Variants in COBLL1 observed in about 807,000 individuals in gnomAD.
The protein encoded by COBLL1 is cordon-bleu WH2 repeat protein like 1.
A neutral mutation model predicts 94.8 loss-of-function variants in COBLL1; 50 were observed. That is an observed-to-expected ratio of 0.53 (90% confidence interval 0.42 to 0.67). The LOEUF (loss-of-function observed/expected upper bound fraction) is 0.67, where lower values mean the gene tolerates loss of function less well. Ranked by LOEUF, COBLL1 falls within the 30% of genes least tolerant of loss-of-function variation. COBLL1 has a pLI of 0.00. For synonymous variants in COBLL1, 448 were observed against 473.8 expected, an observed-to-expected ratio of 0.95 and a Z score of 0.71; for missense variants, 1,362 against 1,348.7, an observed-to-expected ratio of 1.01 and a Z score of -0.15.
At chr2:164,674,461 G>A (rs1691303192) in intron 1 of COBLL1, among the ~76,000 whole-genome samples, 1 of 152,142 alleles carries the variant, frequency 6.6e-6, no homozygotes, top group African/African-American at 2.4e-5. Flanking sequence ...CAAAATGCCT[G>A]GGTTCATGTT....
At chr2:164,842,020 T>A (rs1447910087), upstream of COBLL1, 3 of 1,538,588 alleles carry the variant, frequency 1.9e-6, no homozygotes, top group African/African-American at 4.1e-5. Flanking sequence ...CGGCCGCACA[T>A]AAGTGGGGAC....
At chr2:164,816,532 G>A (rs1271035160) in intron 2 of COBLL1, among the ~76,000 whole-genome samples, 1 of 152,090 alleles carries the variant, frequency 6.6e-6, no homozygotes, top group Non-Finnish European at 1.5e-5. Flanking sequence ...AAAGCTGAGG[G>A]CAAGAAGAGG....
chr2:164,752,871 AT>A (rs1402009301), intron 2 of COBLL1, among the ~76,000 whole-genome samples: 2 of 152,166 alleles, frequency 1.3e-5, no homozygotes, highest in Non-Finnish European at 2.9e-5. Flanking sequence ...CCATTTTCTC[AT>A]TTACAAAATA....
chr2:164,694,498 G>A lies in COBLL1; in HGVS notation c.2894C>T (p.Thr965Ile). 4 of 1,613,994 alleles carry A rather than the reference G, an allele frequency of 2.5e-6. No homozygotes were observed. Among genetic ancestry groups the A allele is most frequent in the Non-Finnish European group, 3.4e-6 (4 of 1,179,928 alleles). Residue 965 changes from threonine to isoleucine, a missense_variant, in exon 12 of 14, where the codon ACA (threonine) becomes ATA (isoleucine). Coordinates refer to ENST00000652658, the MANE Select transcript of COBLL1 (RefSeq NM_001365672.2). The stretch of plus-strand genomic sequence containing the variant: ...AGTTTTCAAAGTCTTCAGATTTTGT[G>A]TGGATACCTGACTAGCAGGAATTGT... ...PVTIPASQVS[T>I]QNLKTLKTFG...
chr2:164,679,043 G>T (rs1682920705), downstream of COBLL1, among the ~76,000 whole-genome samples: 1 of 152,134 alleles, frequency 6.6e-6, no homozygotes, highest in Non-Finnish European at 1.5e-5. Context: ...AGTTTTGGAA[G>T]TCCAGATCAC....
At chr2:164,732,830 C>T (rs901493138) in intron 3 of COBLL1, among the ~76,000 whole-genome samples, 2 of 152,074 alleles carry the variant, frequency 1.3e-5, no homozygotes, top group Non-Finnish European at 1.5e-5. Flanking sequence ...CCGAGGCAGG[C>T]GGATCATGAC....
At chr2:164,787,965 T>C (rs1682958929) in intron 2 of COBLL1, among the ~76,000 whole-genome samples, 1 of 152,198 alleles carries the variant, frequency 6.6e-6, no homozygotes, top group Non-Finnish European at 1.5e-5. Flanking sequence ...GCTCTTTATA[T>C]TGAATAAAAA....
Position 164,685,955 on chromosome 2 carries a change from G to T in COBLL1, c.3378C>A (p.Asp1126Glu), listed in dbSNP as rs150229061. The T allele has an allele frequency of 5.0e-6, 8 of 1,601,784 alleles. No homozygotes were observed. In the South Asian group the frequency reaches 8.8e-5, roughly 18 times the overall value. The change falls in exon 14 of 14, where the codon GAC becomes GAA. Residue 1126 changes from aspartate to glutamate, a missense_variant. Coordinates refer to ENST00000652658, the MANE Select transcript of COBLL1 (RefSeq NM_001365672.2). Reference sequence around the variant, plus strand: ...TGTGGCAGGGTAACATTTAATGGCCGTCCTGGGCATCAGGGGACATGGAAT... The same window carrying T: ...TGTGGCAGGGTAACATTTAATGGCCTTCCTGGGCATCAGGGGACATGGAAT... ...LSHSMSPDAQ[D>E]GH
chr2:164,841,562 G>GT lies in COBLL1; in HGVS notation c.-51+147_-51+148insA. ...CGGGGCTGGAAAAGGAGGAGGAGCGGGGCCGGGCGCACGGGCACCGCTGCC... is the reference window on the plus strand; with the variant it reads ...CGGGGCTGGAAAAGGAGGAGGAGCGGTGGCCGGGCGCACGGGCACCGCTGCC... On this transcript the variant is annotated intron_variant, in intron 1 of 13. Transcript: ENST00000652658. The surrounding 1 kb of genome is among the most constrained non-coding windows in gnomAD (Gnocchi z 5.5). The GT allele has an allele frequency of 1.5e-6, 1 of 671,422 alleles. No homozygotes were observed. Among genetic ancestry groups the GT allele is most frequent in the Non-Finnish European group, 2.0e-6 (1 of 510,402 alleles). The allele number at this position is 671,422 out of a possible 1,614,324, so 41.6% of individuals were successfully genotyped here.
chr2:164,785,709 C>T (rs1688922642), intron 2 of COBLL1, among the ~76,000 whole-genome samples: 1 of 151,948 alleles, frequency 6.6e-6, no homozygotes, highest in African/African-American at 2.4e-5. Context: ...ACCAATATTC[C>T]AGTCATCATA....
intron 2 of COBLL1, among the ~76,000 whole-genome samples, chr2:164,803,127 A>G (rs1026895710): frequency 1.3e-5 from 2 of 152,240 alleles, no homozygotes; most frequent in African/African-American, 4.8e-5. Flanking sequence ...GATAAGAACC[A>G]AAATATTTGG....
At chr2:164,738,006 GAACA>G (rs1686402690) in intron 3 of COBLL1, among the ~76,000 whole-genome samples, 1 of 152,160 alleles carries the variant, frequency 6.6e-6, no homozygotes, top group African/African-American at 2.4e-5. Context: ...AGCAAGTCTA[GAACA>G]AACTGTAACT....
chr2:164,842,007 G>T (rs762301637), upstream of COBLL1: 5 of 1,539,822 alleles, frequency 3.2e-6, no homozygotes, highest in Admixed American at 9.8e-5. Flanking sequence ...CGCCTCTGCA[G>T]CACGGCCGCA....
At chr2:164,810,830 C>T (rs1684424525) in intron 2 of COBLL1, among the ~76,000 whole-genome samples, 1 of 151,840 alleles carries the variant, frequency 6.6e-6, no homozygotes, top group South Asian at 2.1e-4. Context: ...AAAATAAATA[C>T]ATGAAGCATG....
intron 7 of COBLL1, among the ~76,000 whole-genome samples, chr2:164,720,048 G>C (rs1339261061): frequency 6.6e-6 from 1 of 152,128 alleles, no homozygotes; most frequent in Non-Finnish European, 1.5e-5. Flanking sequence ...CAAGAAGTTA[G>C]TTGCAGAGAT....
At chr2:164,774,968 G>A (rs1437314905) in intron 2 of COBLL1, among the ~76,000 whole-genome samples, 3 of 151,330 alleles carry the variant, frequency 2.0e-5, no homozygotes, top group Non-Finnish European at 4.4e-5. Flanking sequence ...CAGCCATGTT[G>A]TATATCTTAA....
intron 2 of COBLL1, among the ~76,000 whole-genome samples, chr2:164,750,590 T>C (rs1250478910): frequency 6.6e-6 from 1 of 152,174 alleles, no homozygotes; most frequent in African/African-American, 2.4e-5. Context: ...AAATCTATTC[T>C]CCCCTGTAGT....
chr2:164,713,393 C>T (rs930603606), intron 7 of COBLL1, among the ~76,000 whole-genome samples: 2 of 152,120 alleles, frequency 1.3e-5, no homozygotes, highest in Non-Finnish European at 2.9e-5. Context: ...CCAGCTATCA[C>T]TATGTGGACA....
intron 7 of COBLL1, among the ~76,000 whole-genome samples, chr2:164,707,613 TTTTCCCCTAC>T (rs1348410806): frequency 3.3e-5 from 5 of 152,196 alleles, no homozygotes; most frequent in African/African-American, 1.2e-4. Context: ...GCAGAGATTT[TTTTCCCCTAC>T]TATTTCACTC....
Sources: gnomAD v4.1 joint callset for allele counts (sites outside exome capture counted in the v4.1 genomes callset) on GRCh38, gnomAD v4.1.1 for gene constraint, Gnocchi (gnomAD v3.1) non-coding constraint, MANE v1.5 for transcripts, NCBI Gene and HGNC (gene_info 2026-07-23, HGNC 2026-07-21) for gene names.